Variants in ELP1 observed in about 807,000 individuals in gnomAD.
ELP1 encodes elongator acetyltransferase complex subunit 1, also known as elongator complex protein 1.
In ELP1, 131 loss-of-function variants were observed where a neutral mutation model predicts 183.2. The ratio of observed to expected loss-of-function variants is 0.72; its 90% CI spans 0.62 to 0.83. ELP1 has a LOEUF of 0.83. Ranked by LOEUF, ELP1 falls within the 40% of genes least tolerant of loss-of-function variation. The pLI is 0.00. For missense variants in ELP1, 1,550 were observed against 1,594.9 expected, an observed-to-expected ratio of 0.97 and a Z score of 0.48; for synonymous variants, 555 against 569.0, an observed-to-expected ratio of 0.98 and a Z score of 0.35.
chr9:108,912,619 A>C, intron 10 of ELP1, 125 bp from the exon 11 acceptor site: 1 of 709,096 alleles, frequency 1.4e-6, no homozygotes, highest in East Asian at 2.7e-5. Flanking sequence ...CTCGTCTCTA[A>C]AATAAGAACA....
chr9:108,917,753 G>T, intron 8 of ELP1, 83 bp from the exon 9 acceptor site: 1 of 1,414,344 alleles, frequency 7.1e-7, no homozygotes, highest in Non-Finnish European at 1.0e-6. Context: ...TTTTTTTCCA[G>T]CAAACATGAA....
intron 16 of ELP1, among the ~76,000 whole-genome samples, chr9:108,902,272 C>T (rs909145385): frequency 6.6e-6 from 1 of 152,106 alleles, no homozygotes; most frequent in Admixed American, 6.5e-5. Context: ...TCCTGGACCA[C>T]CAGATGCAGG....
rs768826752 is a variant in ELP1, at chr9:108,929,862, G to A, written c.210C>T (p.Arg70=). 2 of 1,613,926 alleles carry A rather than the reference G, an allele frequency of 1.2e-6. No individual in the cohort carries two copies. Among genetic ancestry groups the A allele is most frequent in the Middle Eastern group, 1.7e-4 (1 of 5,872 alleles). Residue 70 remains arginine, a synonymous_variant, in exon 3 of 37, where the codon CGC becomes CGT. Coordinates refer to ENST00000374647, the MANE Select transcript of ELP1 (RefSeq NM_003640.5). The part of the protein sequence containing the change: ...EGFLPEDGSG[R]IVGVQDLLDQ... ...CCAGCAAGTCCTGAACACCAACAAT[G>A]CGGCCACTTCCATCCTCTGGGAGAA...
intron 5 of ELP1, among the ~76,000 whole-genome samples, chr9:108,924,234 T>A (rs961900789): frequency 1.3e-5 from 2 of 152,202 alleles, no homozygotes; most frequent in African/African-American, 4.8e-5. Flanking sequence ...TGCTTATGTA[T>A]CATGTATAAC....
intron 4 of ELP1, 50 bp downstream of exon 4, chr9:108,927,322 T>G: frequency 7.0e-7 from 1 of 1,433,810 alleles, no homozygotes; most frequent in South Asian, 1.1e-5. Context: ...CTGTAAGACA[T>G]CTGGAATAAT....
At chr9:108,901,297 CTA>C (rs1456824632) in intron 18 of ELP1, 126 bp downstream of exon 18, 21 of 716,898 alleles carry the variant, frequency 2.9e-5, no homozygotes, top group Non-Finnish European at 5.3e-5. Flanking sequence ...TAAAATAACT[CTA>C]AAGATTTTCT....
chr9:108,897,341 A>T lies in ELP1; in HGVS notation c.2364-56T>A, dbSNP rs982756543. 2.5e-6 allele frequency: 4 copies of T among 1,572,294 alleles called. No individual in the cohort carries two copies. The Admixed American group carries it at 6.7e-5, about 26-fold the overall frequency. On this transcript the variant is annotated intron_variant, in intron 22 of 36. Transcript: ENST00000374647. The stretch of plus-strand genomic sequence containing the variant: ...AACAGAACATGTAGCCCAGCGATCA[A>T]ATTACTAACATACACCTGGCATGCT...
chr9:108,874,864 A>G (rs1395887362), intron 36 of ELP1, 31 bp downstream of exon 36: 6 of 1,359,954 alleles, frequency 4.4e-6, no homozygotes, highest in African/African-American at 1.4e-5. Flanking sequence ...TCTGCTTAGT[A>G]TTGTAATATT....
intron 5 of ELP1, 83 bp from the exon 6 acceptor site, chr9:108,923,010 T>A: frequency 1.0e-6 from 1 of 996,598 alleles, no homozygotes; most frequent in Admixed American, 1.7e-5. Context: ...ATGAAGTTAG[T>A]CATTGGCAAT....
chr9:108,867,975 T>C lies in ELP1; in HGVS notation c.*1140A>G, dbSNP rs2118904659. 6.6e-6 allele frequency: 1 copy of C among 152,396 alleles called. No homozygotes were observed. Among genetic ancestry groups the C allele is most frequent in the South Asian group, 2.1e-4 (1 of 4,820 alleles). The allele number at this position is 152,396 out of a possible 1,614,324, so 9.4% of individuals were successfully genotyped here. On this transcript the variant is annotated 3_prime_UTR_variant, in exon 37 of 37. Transcript: ENST00000374647. ...GCATTTGTTTCCCTAAACCTCATGT[T>C]GAAATGTGATCACCAGTGTTGGAAG...
At chr9:108,873,651 C>T (rs769182499) in intron 36 of ELP1, among the ~76,000 whole-genome samples, 40 of 152,140 alleles carry the variant, frequency 2.6e-4, no homozygotes, top group Non-Finnish European at 4.7e-4. Context: ...AGGCAGAAAT[C>T]ACAACTGGAT....
intron 36 of ELP1, among the ~76,000 whole-genome samples, 176 bp from the exon 37 acceptor site, chr9:108,869,358 T>C (rs1827350829): frequency 6.6e-6 from 1 of 152,132 alleles, no homozygotes; most frequent in Admixed American, 6.5e-5. Flanking sequence ...AAACACAACC[T>C]GGAGGCCCCG....
intron 29 of ELP1, 118 bp from the exon 30 acceptor site, chr9:108,882,305 A>G (rs150476096): frequency 1.2e-5 from 9 of 751,652 alleles, no homozygotes; most frequent in African/African-American, 3.4e-5. Context: ...GAGAACTCCT[A>G]GTTCTCAACA....
chr9:108,868,915 G>T lies in ELP1; in HGVS notation c.*200C>A. ...CATAATGGTTAAAGCTTAATGTCTTGCTAATGATCAAGATGTATACACAAC... is the reference window on the plus strand; with the variant it reads ...CATAATGGTTAAAGCTTAATGTCTTTCTAATGATCAAGATGTATACACAAC... On this transcript the variant is annotated 3_prime_UTR_variant, in exon 37 of 37. Coordinates refer to ENST00000374647, the MANE Select transcript of ELP1 (RefSeq NM_003640.5). The T allele has an allele frequency of 1.6e-6, 1 of 632,208 alleles. No homozygotes were observed. Among genetic ancestry groups the T allele is most frequent in the South Asian group, 1.8e-5 (1 of 54,456 alleles). The allele number at this position is 632,208 out of a possible 1,614,324, so 39.2% of individuals were successfully genotyped here. A position where few individuals can be genotyped will look rare whatever the true frequency, so the allele number is the denominator to read the frequency against.
intron 5 of ELP1, among the ~76,000 whole-genome samples, chr9:108,924,817 C>T (rs1165892586): frequency 6.6e-6 from 1 of 152,184 alleles, no homozygotes. Context: ...AGCACTTCTC[C>T]ATCTTCCCTG....
In ELP1 at chr9:108,872,279, C is replaced by G. The variant is rs139747799; in HGVS notation, c.3931+2616G>C. Among the ~76,000 whole-genome samples the G allele has an allele frequency of 5.6e-3, 851 of 152,242 alleles. 7 individuals are homozygous for G. Among genetic ancestry groups the G allele is most frequent in the African/African-American group, 0.019 (808 of 41,540 alleles). On this transcript the variant is annotated intron_variant, in intron 36 of 36. Coordinates refer to ENST00000374647, the MANE Select transcript of ELP1 (RefSeq NM_003640.5). The stretch of plus-strand genomic sequence containing the variant: ...CACTTGAGCTCACTCACCACAATAG[C>G]AACAGGAGGTAGCTACAAAATTATT...
intron 25 of ELP1, among the ~76,000 whole-genome samples, chr9:108,895,083 CA>C (rs1010994256): frequency 1.3e-5 from 2 of 151,852 alleles, no homozygotes; most frequent in Admixed American, 6.6e-5. Context: ...CCCGTCTCAA[CA>C]AAAAAAATTC....
chr9:108,910,324 AAATT>A (rs1177583922), intron 12 of ELP1, among the ~76,000 whole-genome samples: 3 of 152,174 alleles, frequency 2.0e-5, no homozygotes, highest in African/African-American at 7.2e-5. Flanking sequence ...CTTCCCATTT[AAATT>A]AATTAATTTT....
intron 28 of ELP1, 22 bp downstream of exon 28, chr9:108,891,181 A>G (rs1431932833): frequency 6.2e-7 from 1 of 1,610,642 alleles, no homozygotes; most frequent in Admixed American, 1.7e-5. Flanking sequence ...GTAGATGTAA[A>G]CATATAAATG....
Sources: gnomAD v4.1 joint callset for allele counts (sites outside exome capture counted in the v4.1 genomes callset) on GRCh38, gnomAD v4.1.1 for gene constraint, MANE v1.5 for transcripts, NCBI Gene and HGNC (gene_info 2026-07-23, HGNC 2026-07-21) for gene names.